Variants in FSTL5 observed in about 807,000 individuals in gnomAD.
The protein encoded by FSTL5 is follistatin-related protein 5.
A neutral mutation model predicts 89.1 loss-of-function variants in FSTL5; 62 were observed. The observed-to-expected ratio is 0.70, with a 90% CI of 0.57 to 0.86. FSTL5 has a LOEUF of 0.86. Among genes scored for constraint, FSTL5 ranks in the 40% least tolerant of loss-of-function variants. The pLI is 0.00. For missense variants in FSTL5, 1,057 were observed against 1,001.6 expected (o/e 1.06, Z -0.75); for synonymous variants, 383 against 346.2 (o/e 1.11, Z -1.18).
rs1182597803 is a variant in FSTL5, at chr4:161,554,958, T to C, written c.1016-12265A>G. 5.9e-5 allele frequency among the ~76,000 whole-genome samples: 9 copies of C among 151,634 alleles called. No individual in the cohort carries two copies. In the South Asian group the frequency reaches 1.2e-3, roughly 21 times the overall value. On this transcript the variant is annotated intron_variant, in intron 8 of 15. Coordinates refer to ENST00000306100, the MANE Select transcript of FSTL5 (RefSeq NM_020116.5). ...TGTCTGACATTATTAAAGCCATCAA[T>C]TTCTCTTTAACTTTGTCCCAAAGCA... is the stretch of plus-strand genomic sequence containing the variant.
intron 6 of FSTL5, among the ~76,000 whole-genome samples, chr4:161,718,506 G>T (rs777171901): frequency 6.6e-6 from 1 of 151,828 alleles, no homozygotes; most frequent in Non-Finnish European, 1.5e-5. Flanking sequence ...TCAGCTCACT[G>T]CAACCTCCGC....
intron 3 of FSTL5, among the ~76,000 whole-genome samples, chr4:162,020,134 A>G (rs1430189106): frequency 6.6e-6 from 1 of 151,870 alleles, no homozygotes; most frequent in Non-Finnish European, 1.5e-5. Context: ...TAAATGAGAA[A>G]GTTTATAGCA....
chr4:161,787,475 A>C (rs1741946847), intron 4 of FSTL5, among the ~76,000 whole-genome samples: 1 of 152,114 alleles, frequency 6.6e-6, no homozygotes, highest in Non-Finnish European at 1.5e-5. Flanking sequence ...AGACTACTTA[A>C]AAAGAGGCTG....
chr4:161,742,630 G>A (rs1040117443), intron 6 of FSTL5, among the ~76,000 whole-genome samples: 1 of 152,196 alleles, frequency 6.6e-6, no homozygotes, highest in African/African-American at 2.4e-5. Flanking sequence ...CGCGCCAGAA[G>A]AGAATCCATG....
chr4:161,854,897 T>G (rs1033952619), intron 4 of FSTL5, among the ~76,000 whole-genome samples: 1 of 152,062 alleles, frequency 6.6e-6, no homozygotes, highest in African/African-American at 2.4e-5. Flanking sequence ...AAAAAAATTA[T>G]TTTTTCCTAA....
At chr4:161,491,129 G>T (rs1338781258) in intron 12 of FSTL5, among the ~76,000 whole-genome samples, 1 of 151,514 alleles carries the variant, frequency 6.6e-6, no homozygotes, top group South Asian at 2.1e-4. Flanking sequence ...TTTAAATAGG[G>T]TTCCAGGCCA....
At chr4:161,584,440 G>T (rs1733539003) in intron 8 of FSTL5, among the ~76,000 whole-genome samples, 1 of 151,970 alleles carries the variant, frequency 6.6e-6, no homozygotes, top group African/African-American at 2.4e-5. Context: ...TATCCTTTTG[G>T]TCTTATAAAT....
rs184274529 is a variant in FSTL5 at position 161,993,132 on chromosome 4, T to C, written c.160+40493A>G. Among the ~76,000 whole-genome samples, 966 of 151,226 alleles carry C rather than the reference T, an allele frequency of 6.4e-3. 13 individuals are homozygous for C. The highest frequency in any genetic ancestry group is 0.022 in the African/African-American group (917 of 41,268). On this transcript the variant is annotated intron_variant, in intron 3 of 15. Transcript: ENST00000306100. ...AAATGTAAACAAGGATTTTTAAAAA[T>C]ATATTTATTTGTCAATACTTATTTA... is the stretch of plus-strand genomic sequence containing the variant.
rs944790926 is a variant in FSTL5 at position 161,481,380 on chromosome 4, A to G, written c.1459-211T>C. On this transcript the variant is annotated intron_variant, in intron 12 of 15. Coordinates refer to ENST00000306100, the MANE Select transcript of FSTL5 (RefSeq NM_020116.5). ...ATGAGATTCCTTTAAAATAAATTTT[A>G]TGTTCTTAATTACTTATTTTTCTAG... Among the ~76,000 whole-genome samples, 6 of 152,100 alleles carry G rather than the reference A, an allele frequency of 3.9e-5. 1 individual carries two copies.
chr4:161,410,788 T>A (rs576165609), intron 15 of FSTL5, among the ~76,000 whole-genome samples: 1 of 150,912 alleles, frequency 6.6e-6, no homozygotes, highest in African/African-American at 2.4e-5. Flanking sequence ...GTTCTCAAAT[T>A]AAAAATCTAA....
intron 10 of FSTL5, among the ~76,000 whole-genome samples, chr4:161,524,589 C>T (rs1468622432): frequency 6.6e-6 from 1 of 152,110 alleles, no homozygotes. Context: ...TTCTACGTCA[C>T]AATGCCTTCT....
At chr4:161,631,830 C>A (rs1199225434) in intron 7 of FSTL5, among the ~76,000 whole-genome samples, 2 of 152,028 alleles carry the variant, frequency 1.3e-5, no homozygotes, top group African/African-American at 2.4e-5. Flanking sequence ...AAAATAGTTT[C>A]AAATTTGCAA....
intron 1 of FSTL5, among the ~76,000 whole-genome samples, chr4:162,122,715 G>A (rs1379265546): frequency 6.6e-6 from 1 of 152,030 alleles, no homozygotes; most frequent in Non-Finnish European, 1.5e-5. Flanking sequence ...ATGTTATCAT[G>A]CAAATTAAAA....
chr4:161,649,823 G>A (rs1479805226), intron 7 of FSTL5, among the ~76,000 whole-genome samples: 1 of 152,184 alleles, frequency 6.6e-6, no homozygotes, highest in Non-Finnish European at 1.5e-5. Flanking sequence ...CTTTACAACA[G>A]CAACAATAAG....
chr4:161,658,785 A>C (rs1736608241), intron 6 of FSTL5, among the ~76,000 whole-genome samples: 1 of 152,238 alleles, frequency 6.6e-6, no homozygotes, highest in African/African-American at 2.4e-5. Flanking sequence ...AAGAATTATT[A>C]ATAATTTCCC....
At chr4:161,992,861 AATATATATATAT>A (rs1214124720) in intron 3 of FSTL5, among the ~76,000 whole-genome samples, 1,080 of 76,108 alleles carry the variant, frequency 0.014, 73 homozygotes, top group South Asian at 0.022. Context: ...AAAAAAAAAA[AATATATATATAT>A]ATATATATAT....
At chr4:161,597,064 GT>G (rs1211817989) in intron 7 of FSTL5, among the ~76,000 whole-genome samples, 1 of 152,048 alleles carries the variant, frequency 6.6e-6, no homozygotes, top group African/African-American at 2.4e-5. Flanking sequence ...TTTGGCTTTT[GT>G]TGCCATTGCT....
intron 1 of FSTL5, among the ~76,000 whole-genome samples, chr4:162,161,556 T>C (rs144000875): frequency 0.01 from 1,582 of 152,048 alleles, 32 homozygotes; most frequent in African/African-American, 0.036. Context: ...TGTTTAAATA[T>C]GTTATTGTTA....
intron 4 of FSTL5, among the ~76,000 whole-genome samples, chr4:161,829,769 C>A (rs1294855199): frequency 1.3e-5 from 2 of 152,200 alleles, no homozygotes; most frequent in Non-Finnish European, 2.9e-5. Flanking sequence ...GTTTTGGATT[C>A]ACATTTTGCC....
Sources: gnomAD v4.1 joint callset for allele counts (sites outside exome capture counted in the v4.1 genomes callset) on GRCh38, gnomAD v4.1.1 for gene constraint, MANE v1.5 for transcripts, NCBI Gene and HGNC (gene_info 2026-07-23, HGNC 2026-07-21) for gene names.